The following NEMF variants were observed in gnomAD, a reference collection of about 807,000 sequenced individuals.
NEMF encodes nuclear export mediator factor, also known as ribosome quality control complex subunit NEMF.
A neutral mutation model predicts 162.2 loss-of-function variants in NEMF; 89 were observed. The observed-to-expected ratio is 0.55, with a 90% CI of 0.46 to 0.65. The LOEUF (loss-of-function observed/expected upper bound fraction) is 0.65. NEMF is among the 30% of genes least tolerant of loss of function. NEMF has a pLI of 0.00. For missense variants in NEMF, 1,133 were observed against 1,261.9 expected (o/e 0.90, Z 1.55); for synonymous variants, 421 against 404.5 (o/e 1.04, Z -0.49).
rs548514083 is a variant in NEMF at position 49,828,759 on chromosome 14, G to A, written c.1281C>T (p.Asp427=). 1.4e-5 allele frequency: 22 copies of A among 1,566,060 alleles called. No homozygotes were observed. Among genetic ancestry groups the A allele is most frequent in the African/African-American group, 8.2e-5 (6 of 73,390 alleles). The change falls in exon 14 of 33, where the codon GAC becomes GAT. Residue 427 remains aspartate, a synonymous_variant. Coordinates refer to ENST00000298310, the MANE Select transcript of NEMF (RefSeq NM_004713.6). ...CAGTTTCATTTTTCTCAACATTGACGTCACCATCAACATCATCATCTTCCT... is the reference window on the plus strand; with the variant it reads ...CAGTTTCATTTTTCTCAACATTGACATCACCATCAACATCATCATCTTCCT... ...SEEEDDDVDG[D]VNVEKNETEP...
Position 49,828,740 on chromosome 14 carries a change from C to T in NEMF, c.1300G>A (p.Glu434Lys). The T allele has an allele frequency of 1.3e-6, 2 of 1,589,938 alleles. No homozygotes were observed. The highest frequency in any genetic ancestry group is 1.7e-6 in the Non-Finnish European group (2 of 1,164,044). ...TTTTTTCCTTTTGGTGGTTCAGTTTCATTTTTCTCAACATTGACGTCACCA... is the reference window on the plus strand; with the variant it reads ...TTTTTTCCTTTTGGTGGTTCAGTTTTATTTTTCTCAACATTGACGTCACCA... ...VDGDVNVEKNETEPPKGKKKK... is the reference protein window; with the variant it reads ...VDGDVNVEKNKTEPPKGKKKK... Residue 434 changes from glutamate (E) to lysine (K), a missense_variant, in exon 14 of 33, where the codon GAA becomes AAA. Glu to Lys is a moderately conservative substitution (Grantham distance 56). Coordinates refer to ENST00000298310, the MANE Select transcript of NEMF (RefSeq NM_004713.6).
At chr14:49,839,829 A>C (rs1893104556) in intron 5 of NEMF, 1 of 152,186 alleles carries the variant, frequency 6.6e-6, no homozygotes, top group South Asian at 2.1e-4. Context: ...CATATTTTTT[A>C]ATTTTAAATT....
chr14:49,832,324 G>C, intron 8 of NEMF, 47 bp from the exon 9 acceptor site: 7 of 1,213,774 alleles, frequency 5.8e-6, no homozygotes, highest in Admixed American at 2.4e-5. Flanking sequence ...AATTAACAAA[G>C]ATTTACTTCT....
rs749035018 is a variant in NEMF, at chr14:49,806,086, G to A, written c.1792C>T (p.Leu598Phe). The A allele has an allele frequency of 1.7e-5, 28 of 1,612,346 alleles. No homozygotes were observed. The highest frequency in any genetic ancestry group is 6.6e-5 in the South Asian group (6 of 90,976). ...RTLTEAGTMA[L>F]CYSAAWDARV... ...GCATCCCAAGCAGCACTGTAGCAAA[G>A]TGCCATTGTGCCAGCTTCAGTCAAG... Residue 598 changes from leucine to phenylalanine, a missense_variant, in exon 19 of 33, where the codon CTT (leucine) becomes TTT (phenylalanine). Around this residue, in one of 3 missense-constraint regions of NEMF, gnomAD observed 532 missense variants for 578.6 expected, o/e 0.92. Coordinates refer to ENST00000298310, the MANE Select transcript of NEMF (RefSeq NM_004713.6).
At chr14:49,844,098 CA>C (rs74488260) in intron 4 of NEMF, among the ~76,000 whole-genome samples, 54 of 119,198 alleles carry the variant, frequency 4.5e-4, no homozygotes, top group South Asian at 1.5e-3. Context: ...GACTCTGTAT[CA>C]AAAAAAAAAA....
Position 49,840,934 on chromosome 14 carries a change from C to T in NEMF, c.358-68G>A. 8 of 1,396,952 alleles carry T rather than the reference C, an allele frequency of 5.7e-6. No homozygotes were observed. In the South Asian group the frequency reaches 9.0e-5, roughly 16 times the overall value. The allele number at this position is 1,396,952 out of a possible 1,614,324, so 86.5% of individuals were successfully genotyped here. A position where few individuals can be genotyped will look rare whatever the true frequency, so the allele number is the denominator to read the frequency against. ...TTTTGAGGCCAGGCACAGTGGCTCA[C>T]ACCTGTAACCCCAGCACTGTGGAAG... On this transcript the variant is annotated intron_variant, in intron 4 of 32. Coordinates refer to ENST00000298310, the MANE Select transcript of NEMF (RefSeq NM_004713.6).
intron 15 of NEMF, among the ~76,000 whole-genome samples, chr14:49,827,711 G>T (rs1892429894): frequency 6.6e-6 from 1 of 152,128 alleles, no homozygotes; most frequent in Admixed American, 6.5e-5. Flanking sequence ...TACTTAGGAG[G>T]CTGAGGTGGG....
rs1048396049 is a variant in NEMF, at chr14:49,785,255, T to C, written c.2994A>G (p.Pro998=). The stretch of plus-strand genomic sequence containing the variant: ...TCATGGTGGTGTAAGGGGCACATAT[T>C]GGAATGGCAAACAGTAGTACATCTT... The part of the protein sequence containing the change: ...HPEDVLLFAI[P]ICAPYTTMTN... Residue 998 remains proline, a synonymous_variant, in exon 30 of 33, where the codon CCA becomes CCG. Coordinates refer to ENST00000298310, the MANE Select transcript of NEMF (RefSeq NM_004713.6). 1.2e-6 allele frequency: 2 copies of C among 1,613,896 alleles called. No homozygotes were observed. Among genetic ancestry groups the C allele is most frequent in the African/African-American group, 1.3e-5 (1 of 74,922 alleles).
At position 49,782,387 on chromosome 14, in the gene NEMF, G is replaced by A. The variant is rs374674284; in HGVS notation, c.*2249C>T. On this transcript the variant is annotated 3_prime_UTR_variant, in exon 33 of 33. Coordinates refer to ENST00000298310, the MANE Select transcript of NEMF (RefSeq NM_004713.6). ...AAATGCAGGTTATGGCACACAGCTT[G>A]TGCCAGCGATGAAGGAGAAGTAATT... 1 of 1,612,520 alleles carries A rather than the reference G, an allele frequency of 6.2e-7. No individual in the cohort carries two copies. Among genetic ancestry groups the A allele is most frequent in the Non-Finnish European group, 8.5e-7 (1 of 1,178,920 alleles).
chr14:49,851,855 T>C lies in NEMF; in HGVS notation c.80A>G (p.Asn27Ser), dbSNP rs140290029. Reference protein sequence around the residue: ...LNASLLGMRVNNVYDVDNKTY... With the variant: ...LNASLLGMRVSNVYDVDNKTY... ...CTTATTATCCACATCATAAACATTG[T>C]TTACTCTCATTCCTAGCAAGCTGCA... Residue 27 changes from asparagine to serine, a missense_variant, in exon 2 of 33, where the codon AAC becomes AGC. Asn to Ser is a conservative substitution (Grantham distance 46). Around this residue, in one of 3 missense-constraint regions of NEMF, gnomAD observed 582 missense variants for 631.5 expected, o/e 0.92. Transcript: ENST00000298310. The C allele has an allele frequency of 2.6e-4, 420 of 1,586,138 alleles. No individual in the cohort carries two copies. The highest frequency in any genetic ancestry group is 7.4e-4 in the South Asian group (65 of 87,652).
chr14:49,818,963 C>A (rs114123849), intron 16 of NEMF, among the ~76,000 whole-genome samples: 2,650 of 152,214 alleles, frequency 0.017, 75 homozygotes, highest in African/African-American at 0.06. Flanking sequence ...CATTTAAATA[C>A]CCTACCATAA....
rs1241461482 is a variant in NEMF at position 49,784,932 on chromosome 14, C to T, written c.3146G>A (p.Ser1049Asn). The T allele has an allele frequency of 6.2e-7, 1 of 1,613,312 alleles. No homozygotes were observed. Among genetic ancestry groups the T allele is most frequent in the South Asian group, 1.1e-5 (1 of 91,026 alleles). Residue 1049 changes from serine to asparagine, a missense_variant, in exon 32 of 33, where the codon AGC (serine) becomes AAC (asparagine). Around this residue, in one of 3 missense-constraint regions of NEMF, gnomAD observed 532 missense variants for 578.6 expected, o/e 0.92. Transcript: ENST00000298310. ...TCTGAAGGAGAACTTTACCTTTACG[C>T]TGCGGAATAAGTCTTTTTCTCTTGC... Reference protein sequence around the residue: ...ATAREKDLFRSVKDTDLSRNI... With the variant: ...ATAREKDLFRNVKDTDLSRNI...
intron 16 of NEMF, among the ~76,000 whole-genome samples, chr14:49,821,701 C>T (rs1389894446): frequency 7.0e-6 from 1 of 142,092 alleles, no homozygotes; most frequent in Non-Finnish European, 1.6e-5. Flanking sequence ...CTCAGCCCCC[C>T]GCCCGGCCAG....
chr14:49,832,155 C>G (rs773469084), intron 9 of NEMF, 29 bp from the exon 10 acceptor site: 1 of 1,595,030 alleles, frequency 6.3e-7, no homozygotes, highest in Admixed American at 1.8e-5. Context: ...ATATCACATT[C>G]GAGAACATTA....
At chr14:49,791,226 T>C (rs1890432511) in intron 26 of NEMF, among the ~76,000 whole-genome samples, 1 of 151,972 alleles carries the variant, frequency 6.6e-6, no homozygotes, top group Admixed American at 6.6e-5. Flanking sequence ...TGCCAGCTAC[T>C]CAGGAGGCTG....
chr14:49,849,631 A>G (rs989905259), intron 3 of NEMF: 1 of 152,220 alleles, frequency 6.6e-6, no homozygotes, highest in Non-Finnish European at 1.5e-5. Flanking sequence ...TGACTGACCT[A>G]TTAGTGTAGT....
chr14:49,804,622 C>T (rs1235203836), intron 19 of NEMF, among the ~76,000 whole-genome samples: 5 of 151,482 alleles, frequency 3.3e-5, no homozygotes, highest in African/African-American at 7.3e-5. Flanking sequence ...GCCGAGATCA[C>T]GCCATTGCAT....
intron 16 of NEMF, among the ~76,000 whole-genome samples, chr14:49,819,736 A>T (rs1891901599): frequency 6.6e-6 from 1 of 151,970 alleles, no homozygotes; most frequent in Non-Finnish European, 1.5e-5. Flanking sequence ...TTATAGAAAC[A>T]TTGTGAAAAG....
intron 3 of NEMF, among the ~76,000 whole-genome samples, chr14:49,847,640 T>A (rs553481509): frequency 5.9e-5 from 9 of 152,034 alleles, no homozygotes; most frequent in Admixed American, 2.0e-4. Flanking sequence ...CTATGGACCA[T>A]GAGCTTATGG....
Sources: gnomAD v4.1 joint callset for allele counts (sites outside exome capture counted in the v4.1 genomes callset) on GRCh38, gnomAD v4.1.1 for gene constraint, gnomAD v4.1.1 regional missense constraint, MANE v1.5 for transcripts, NCBI Gene and HGNC (gene_info 2026-07-23, HGNC 2026-07-21) for gene names.